Variants in GPSM1 observed in about 807,000 individuals in gnomAD.
GPSM1 encodes the protein G protein signaling modulator 1, also known as G protein-signaling modulator 1.
GPSM1 carries 48 observed loss-of-function variants against 70.5 expected under a neutral mutation model. The ratio of observed to expected loss-of-function variants is 0.68; its 90% confidence interval spans 0.54 to 0.87. The LOEUF (loss-of-function observed/expected upper bound fraction) is 0.87. Ranked by LOEUF, GPSM1 falls within the 40% of genes least tolerant of loss-of-function variation. The pLI is 0.00. For missense variants in GPSM1, 981 were observed against 972.6 expected (o/e 1.01, Z -0.11); for synonymous variants, 416 against 430.1 (o/e 0.97, Z 0.41).
chr9:136,339,761 G>T lies in GPSM1; in HGVS notation c.1029G>T (p.Gly343=). ...WSLGNAYVSM[G]RPAQALTFAK... is the part of the protein sequence containing the mutation. ...TGGGAAATGCCTACGTGTCCATGGGGCGCCCAGCGCAGGCCCTGACCTTCG... is the reference window on the plus strand; with the variant it reads ...TGGGAAATGCCTACGTGTCCATGGGTCGCCCAGCGCAGGCCCTGACCTTCG... Residue 343 remains glycine (G), a synonymous_variant, in exon 8 of 14, where the codon GGG becomes GGT. Transcript: ENST00000440944. 1 of 1,550,232 alleles carries T rather than the reference G, an allele frequency of 6.5e-7. No homozygotes were observed. Among genetic ancestry groups the T allele is most frequent in the Admixed American group, 2.0e-5 (1 of 51,014 alleles).
intron 3 of GPSM1, 60 bp downstream of exon 3, chr9:136,336,161 C>G: frequency 6.4e-7 from 1 of 1,559,142 alleles, no homozygotes; most frequent in Non-Finnish European, 8.7e-7. Flanking sequence ...CGTCCAGATC[C>G]GGGATAGGGG....
intron 3 of GPSM1, 42 bp from the exon 4 acceptor site, chr9:136,336,879 G>A (rs781842489): frequency 3.3e-6 from 5 of 1,529,010 alleles, no homozygotes; most frequent in Middle Eastern, 1.7e-4. Flanking sequence ...ATCGTGTGGG[G>A]GGCCGTGGAG....
In GPSM1 at chr9:136,336,953, G is replaced by A; in HGVS notation, c.459G>A (p.Gly153=). The part of the protein sequence containing the change: ...VGEARALYNI[G]NVYHAKGKQL... Reference sequence around the variant, plus strand: ...AGGCGAGGGCCCTCTACAACATCGGGAACGTGTACCACGCCAAAGGCAAGC... The same window carrying A: ...AGGCGAGGGCCCTCTACAACATCGGAAACGTGTACCACGCCAAAGGCAAGC... Residue 153 remains glycine (G), a synonymous_variant, in exon 4 of 14, where the codon GGG becomes GGA. Transcript: ENST00000440944. 6.4e-7 allele frequency: 1 copy of A among 1,557,652 alleles called. No homozygotes were observed. Among genetic ancestry groups the A allele is most frequent in the Non-Finnish European group, 8.7e-7 (1 of 1,151,382 alleles).
In GPSM1 at chr9:136,358,661, T is replaced by TAC; in HGVS notation, c.*441_*442insAC. On this transcript the variant is annotated 3_prime_UTR_variant, in exon 14 of 14. Transcript: ENST00000440944. ...TGTCCCCCCAGAGCTGGTCTTGGGA[T>TAC]GGCCGTGTGACAGGCATGCTCCACC... 2.6e-5 allele frequency: 6 copies of TAC among 233,418 alleles called. No individual in the cohort carries two copies. The highest frequency in any genetic ancestry group is 1.6e-4 in the East Asian group (1 of 6,386). 14.5% of individuals were successfully genotyped at this position (233,418 alleles called of 1,614,324 possible).
At chr9:136,350,941 G>T (rs1453831056) in intron 11 of GPSM1, among the ~76,000 whole-genome samples, 2 of 152,210 alleles carry the variant, frequency 1.3e-5, no homozygotes, top group African/African-American at 4.8e-5. Flanking sequence ...TGCCTGGCAG[G>T]TGTCAGCTGT....
Position 136,358,500 on chromosome 9 carries a change from G to C in GPSM1, c.*280G>C, listed in dbSNP as rs1832908974. The C allele has an allele frequency of 1.8e-6, 1 of 542,620 alleles. No homozygotes were observed. Among genetic ancestry groups the C allele is most frequent in the Admixed American group, 3.7e-5 (1 of 26,904 alleles). The allele number at this position is 542,620 out of a possible 1,614,324, so 33.6% of individuals were successfully genotyped here. On this transcript the variant is annotated 3_prime_UTR_variant, in exon 14 of 14. Coordinates refer to ENST00000440944, the MANE Select transcript of GPSM1 (RefSeq NM_001145638.3). ...TGTCGGCCCCGACCTGGTGCTGTCA[G>C]ACTCCCGCATCCTCTCCCCCAAGCC...
intron 1 of GPSM1, among the ~76,000 whole-genome samples, chr9:136,333,721 G>A (rs1832157411): frequency 2.0e-5 from 3 of 152,304 alleles, no homozygotes; most frequent in South Asian, 4.1e-4. Context: ...TGGGGGTGGC[G>A]GGCAGCACCT....
At chr9:136,338,473 G>C in intron 6 of GPSM1, 82 bp from the exon 7 acceptor site, 1 of 1,358,640 alleles carries the variant, frequency 7.4e-7, no homozygotes, top group Non-Finnish European at 1.0e-6. Flanking sequence ...GGGACCATCG[G>C]GCAGACTGCG....
chr9:136,352,850 G>A (rs1832708581), intron 11 of GPSM1, among the ~76,000 whole-genome samples: 1 of 152,256 alleles, frequency 6.6e-6, no homozygotes, highest in African/African-American at 2.4e-5. Context: ...CACGGGGAGG[G>A]GGAGGTTCAC....
intron 13 of GPSM1, among the ~76,000 whole-genome samples, chr9:136,357,441 G>A (rs147437800): frequency 2.8e-4 from 42 of 152,296 alleles, no homozygotes; most frequent in African/African-American, 7.2e-4. Flanking sequence ...GCCAGCTCCC[G>A]TCCCTCCTGC....
chr9:136,346,243 C>T (rs545334862), intron 9 of GPSM1, among the ~76,000 whole-genome samples: 2 of 152,356 alleles, frequency 1.3e-5, no homozygotes, highest in South Asian at 2.1e-4. Flanking sequence ...AGCCAGTTCC[C>T]GGTCCCTGCC....
At position 136,358,341 on chromosome 9, in the gene GPSM1, C is replaced by T. The variant is rs1832902388; in HGVS notation, c.*121C>T. The T allele has an allele frequency of 2.1e-6, 2 of 932,358 alleles. No homozygotes were observed. The highest frequency in any genetic ancestry group is 2.7e-5 in the Admixed American group (1 of 36,928). 57.8% of individuals were successfully genotyped at this position (932,358 alleles called of 1,614,324 possible). ...GGCACTGGGCATGCAGCCCCACGGC[C>T]TCCCCGACCCAGGGCGACAGGCTCA... On this transcript the variant is annotated 3_prime_UTR_variant, in exon 14 of 14. Coordinates refer to ENST00000440944, the MANE Select transcript of GPSM1 (RefSeq NM_001145638.3).
At position 136,341,251 on chromosome 9, in the gene GPSM1, G is replaced by A; in HGVS notation, c.1207+258G>A. On this transcript the variant is annotated intron_variant, in intron 9 of 13. Transcript: ENST00000440944. The surrounding 1 kb of genome is among the most constrained non-coding windows in gnomAD (Gnocchi z 6.7). The stretch of plus-strand genomic sequence containing the variant: ...GGAGGTGGTCGCCTGTTGCCCCACT[G>A]GCTGCTCCAGGGCCTCCACCCCCAC... 6.7e-7 allele frequency: 1 copy of A among 1,496,596 alleles called. No individual in the cohort carries two copies. Among genetic ancestry groups the A allele is most frequent in the Non-Finnish European group, 8.9e-7 (1 of 1,119,480 alleles). The allele number at this position is 1,496,596 out of a possible 1,614,324, so 92.7% of individuals were successfully genotyped here.
chr9:136,339,789 A>G lies in GPSM1; in HGVS notation c.1057A>G (p.Lys353Glu), dbSNP rs1274957957. 20 of 1,548,484 alleles carry G rather than the reference A, an allele frequency of 1.3e-5. No homozygotes were observed. Among genetic ancestry groups the G allele is most frequent in the Non-Finnish European group, 1.7e-5 (20 of 1,145,456 alleles). Reference sequence around the variant, plus strand: ...CCCAGCGCAGGCCCTGACCTTCGCCAAGAAGCACCTGCAGATCTCCCAGGA... The same window carrying G: ...CCCAGCGCAGGCCCTGACCTTCGCCGAGAAGCACCTGCAGATCTCCCAGGA... ...GRPAQALTFA[K>E]KHLQISQEIG... The change falls in exon 8 of 14, where the codon AAG becomes GAG. Residue 353 changes from lysine (K) to glutamate (E), a missense_variant. Coordinates refer to ENST00000440944, the MANE Select transcript of GPSM1 (RefSeq NM_001145638.3).
At chr9:136,334,785 AGCCCTGCTGGTGGGTGAGTGGGGATG>A (rs1291453631) in intron 2 of GPSM1, 117 bp downstream of exon 2, 5 of 733,182 alleles carry the variant, frequency 6.8e-6, no homozygotes, top group Admixed American at 2.5e-5. Flanking sequence ...GAGTGGGGAC[AGCCCTGCTGGTGGGTGAGTGGGGATG>A]GCCCTGCTGG....
intron 1 of GPSM1, 46 bp downstream of exon 1, chr9:136,327,809 C>A (rs1554768104): frequency 4.9e-6 from 4 of 815,794 alleles, no homozygotes; most frequent in Non-Finnish European, 6.4e-6. Context: ...TGGGACCGGA[C>A]CGGGCCGGGT....
chr9:136,333,634 C>T (rs1832155705), intron 1 of GPSM1, among the ~76,000 whole-genome samples: 1 of 152,208 alleles, frequency 6.6e-6, no homozygotes, highest in African/African-American at 2.4e-5. Context: ...AGGGCCTGGC[C>T]CTTGGGGTTA....
intron 1 of GPSM1, among the ~76,000 whole-genome samples, chr9:136,329,008 G>A (rs1028222021): frequency 1.3e-5 from 2 of 149,912 alleles, no homozygotes; most frequent in African/African-American, 5.1e-5. Context: ...TGTGTGTGGA[G>A]CTGTGAGAGA....
In GPSM1 at chr9:136,355,684, C is replaced by T. The variant is rs782603326; in HGVS notation, c.1456-6C>T. The T allele has an allele frequency of 8.7e-6, 14 of 1,611,230 alleles. 1 individual carries two copies. The South Asian group carries it at 1.4e-4, about 16-fold the overall frequency. ...TTTGGCTGCGGTGACCCCACTCCCT[C>T]CCCAGAGCATCCCGAGGGCCCCGTC... On this transcript the variant is annotated splice_region_variant and splice_polypyrimidine_tract_variant and intron_variant, in intron 11 of 13. Transcript: ENST00000440944.
Sources: gnomAD v4.1 joint callset for allele counts (sites outside exome capture counted in the v4.1 genomes callset) on GRCh38, gnomAD v4.1.1 for gene constraint, Gnocchi (gnomAD v3.1) non-coding constraint, MANE v1.5 for transcripts, NCBI Gene and HGNC (gene_info 2026-07-23, HGNC 2026-07-21) for gene names.